Variants in DMD observed in about 807,000 individuals in gnomAD.
DMD encodes mutant dystrophin.
A neutral mutation model predicts 330.1 loss-of-function variants in DMD; 63 were observed. The ratio of observed to expected loss-of-function variants is 0.19; its 90% CI spans 0.16 to 0.24. DMD has a LOEUF of 0.24. Among genes scored for constraint, DMD ranks in the 10% least tolerant of loss-of-function variants. The pLI is 1.00. For missense variants in DMD, 3,344 were observed against 2,684.1 expected, an observed-to-expected ratio of 1.25 and a Z score of -5.43; for synonymous variants, 1,223 against 959.8, an observed-to-expected ratio of 1.27 and a Z score of -5.07.
intron 55 of DMD, among the ~76,000 whole-genome samples, chrX:31,560,629 A>G (rs2075141588): frequency 9.0e-6 from 1 of 110,843 alleles, no homozygotes; most frequent in Non-Finnish European, 1.9e-5. Flanking sequence ...GCACACTTAA[A>G]ACTTATACCC....
chrX:31,958,096 GT>G (rs745655022), intron 45 of DMD, among the ~76,000 whole-genome samples: 3,690 of 74,530 alleles, frequency 0.05, 82 homozygotes, highest in East Asian at 0.079. Context: ...CATTTGGCCT[GT>G]TTTTTTTTTT....
At chrX:31,914,642 T>C (rs2094586322) in intron 47 of DMD, among the ~76,000 whole-genome samples, 1 of 111,849 alleles carries the variant, frequency 8.9e-6, no homozygotes, top group African/African-American at 3.3e-5. Context: ...CAGAAAAACA[T>C]CTCATGTTCT....
At chrX:32,348,346 T>C (rs1346760603) in intron 38 of DMD, 60 bp downstream of exon 38, 2 of 1,124,124 alleles carry the variant, frequency 1.8e-6, no homozygotes, top group East Asian at 6.0e-5. Context: ...TTATCTAAGT[T>C]CTTTCCAAAT....
intron 76 of DMD, among the ~76,000 whole-genome samples, chrX:31,141,127 G>A (rs1285123679): frequency 9.0e-6 from 1 of 111,192 alleles, no homozygotes; most frequent in Non-Finnish European, 1.9e-5. Context: ...AGGAGGTGGA[G>A]GTTGCAATGA....
At chrX:32,547,232 C>T (rs745661490) in intron 16 of DMD, among the ~76,000 whole-genome samples, 2 of 111,111 alleles carry the variant, frequency 1.8e-5, no homozygotes, top group East Asian at 5.6e-4. Context: ...TCTCATAGAA[C>T]ATTTGTGCTA....
intron 1 of DMD, among the ~76,000 whole-genome samples, chrX:33,105,637 G>A (rs1236331887): frequency 8.9e-6 from 1 of 111,926 alleles, no homozygotes; most frequent in Non-Finnish European, 1.9e-5. Flanking sequence ...TTTCTCAAAA[G>A]AAGATATACA....
chrX:33,226,869 A>G (rs2052300390), intron 1 of DMD, among the ~76,000 whole-genome samples: 1 of 109,844 alleles, frequency 9.1e-6, no homozygotes, highest in South Asian at 3.9e-4. Context: ...TACGACACTG[A>G]CATTCGTGCA....
At chrX:31,947,547 A>G (rs2095104442) in intron 45 of DMD, among the ~76,000 whole-genome samples, 2 of 112,507 alleles carry the variant, frequency 1.8e-5, no homozygotes. Context: ...GAAGTTCACC[A>G]TGGTGCAAAA....
chrX:32,879,108 A>G (rs778953100), intron 2 of DMD, among the ~76,000 whole-genome samples: 2 of 111,386 alleles, frequency 1.8e-5, no homozygotes, highest in East Asian at 5.6e-4. Context: ...ATCCATGTGT[A>G]TCAAGCCTTT....
intron 9 of DMD, among the ~76,000 whole-genome samples, chrX:32,686,750 AAT>A: frequency 9.0e-6 from 1 of 111,017 alleles, no homozygotes; most frequent in East Asian, 2.8e-4. Context: ...CTGAAAACAA[AAT>A]AGATTGTAAT....
chrX:32,414,369 T>A (rs963161205), intron 29 of DMD, among the ~76,000 whole-genome samples: 1 of 112,308 alleles, frequency 8.9e-6, no homozygotes, highest in Non-Finnish European at 1.9e-5. Flanking sequence ...TTAGAGCACG[T>A]AACATGATGT....
At chrX:31,517,307 C>G (rs1204130380) in intron 55 of DMD, among the ~76,000 whole-genome samples, 1 of 111,216 alleles carries the variant, frequency 9.0e-6, no homozygotes, top group Non-Finnish European at 1.9e-5. Context: ...TCCTTCTAGT[C>G]CCCCTCTCAC....
At chrX:32,739,164 G>A (rs2068908337) in intron 7 of DMD, among the ~76,000 whole-genome samples, 1 of 111,499 alleles carries the variant, frequency 9.0e-6, no homozygotes, top group African/African-American at 3.3e-5. Flanking sequence ...AAGGCTCAGG[G>A]ATCTTAAGAA....
intron 55 of DMD, among the ~76,000 whole-genome samples, chrX:31,608,022 A>C (rs1460072713): frequency 5.3e-5 from 6 of 112,193 alleles, no homozygotes; most frequent in Non-Finnish European, 1.1e-4. Flanking sequence ...ATCCATGCCA[A>C]TTTTGGAAGT....
intron 59 of DMD, among the ~76,000 whole-genome samples, chrX:31,455,494 C>T (rs1247872883): frequency 8.9e-6 from 1 of 112,067 alleles, no homozygotes. Context: ...CACTTCTGTA[C>T]TAATTACTAA....
chrX:32,474,196 TACATACATACATAC>T (rs2040962281), intron 21 of DMD, among the ~76,000 whole-genome samples: 2 of 39,744 alleles, frequency 5.0e-5, no homozygotes, highest in Admixed American at 4.2e-4. Context: ...CCATCATATA[TACATACATACATAC>T]ACACACACAC....
At chrX:32,124,354 T>C (rs1054637845) in intron 44 of DMD, among the ~76,000 whole-genome samples, 11 of 111,724 alleles carry the variant, frequency 9.8e-5, no homozygotes, top group African/African-American at 3.6e-4. Flanking sequence ...GAAGCTAGAG[T>C]CTGCTTTCAA....
chrX:32,830,683 G>C (rs2079083544), intron 4 of DMD, among the ~76,000 whole-genome samples: 1 of 111,791 alleles, frequency 8.9e-6, no homozygotes, highest in African/African-American at 3.2e-5. Context: ...AGCACAATTG[G>C]CTTTTGTAGT....
chrX:31,315,583 C>A (rs1193539036), intron 62 of DMD, among the ~76,000 whole-genome samples: 1 of 112,168 alleles, frequency 8.9e-6, no homozygotes, highest in Non-Finnish European at 1.9e-5. Flanking sequence ...TTTGGATAAA[C>A]CAACTTGAAT....
Sources: gnomAD v4.1 joint callset for allele counts (sites outside exome capture counted in the v4.1 genomes callset) on GRCh38, gnomAD v4.1.1 for gene constraint, MANE v1.5 for transcripts, NCBI Gene and HGNC (gene_info 2026-07-23, HGNC 2026-07-21) for gene names.